Variants in ASB10 observed in about 807,000 individuals in gnomAD.
ASB10 encodes ankyrin repeat and SOCS box protein 10.
A neutral mutation model predicts 35.4 loss-of-function variants in ASB10; 44 were observed. The ratio of observed to expected loss-of-function variants is 1.24; its 90% CI spans 0.98 to 1.60. The LOEUF is 1.60. Ranked by LOEUF, ASB10 falls within the 40% of genes most tolerant of loss-of-function variation. The pLI is 0.00. For synonymous variants in ASB10, 294 were observed against 280.4 expected, an observed-to-expected ratio of 1.05 and a Z score of -0.49; for missense variants, 647 against 634.3, an observed-to-expected ratio of 1.02 and a Z score of -0.22.
At chr7:151,176,810 G>A (rs758445839) in intron 3 of ASB10, 134 bp from the exon 4 acceptor site, 6 of 624,504 alleles carry the variant, frequency 9.6e-6, no homozygotes, top group Non-Finnish European at 1.7e-5. Context: ...ACCTATGAAT[G>A]GGACCTTATT....
chr7:151,176,440 C>T (rs1801389916), intron 4 of ASB10, 123 bp downstream of exon 4: 1 of 1,460,196 alleles, frequency 6.8e-7, no homozygotes, highest in Non-Finnish European at 9.1e-7. Context: ...GTTCACTCTG[C>T]AAGTTCTCTC....
At chr7:151,178,035 G>C (rs1311045265) in intron 3 of ASB10, among the ~76,000 whole-genome samples, 1 of 152,212 alleles carries the variant, frequency 6.6e-6, no homozygotes, top group Non-Finnish European at 1.5e-5. Flanking sequence ...ATCACTTGAG[G>C]TCAGCAGTTT....
chr7:151,176,098 A>G lies in ASB10; in HGVS notation c.*14T>C. ...CCCAAGCAGCTGTGACTGCTCACAG[A>G]TCCCGGGGCTCACCTAGTAGAGCAC... On this transcript the variant is annotated intron_variant, in intron 5 of 5. Transcript: ENST00000420175. The G allele has an allele frequency of 6.2e-7, 1 of 1,609,774 alleles. No individual in the cohort carries two copies. The highest frequency in any genetic ancestry group is 1.1e-5 in the South Asian group (1 of 90,910).
intron 3 of ASB10, among the ~76,000 whole-genome samples, chr7:151,178,295 G>A (rs1801426814): frequency 6.6e-6 from 1 of 152,224 alleles, no homozygotes; most frequent in Non-Finnish European, 1.5e-5. Flanking sequence ...GTTGGGGAGG[G>A]CACTGTCCTA....
chr7:151,186,899 T>G lies in ASB10; in HGVS notation c.232A>C (p.Ser78Arg), dbSNP rs1206139587. Residue 78 changes from serine to arginine, a missense_variant, in exon 1 of 6, where the codon AGT (serine) becomes CGT (arginine). Physicochemically the swap from Ser to Arg is moderately radical, Grantham distance 110. Transcript: ENST00000420175. ...ACGGAATCAGGAGCCAGGCCAGTAC[T>G]GGAGTCCGCGAGGATGCGGGAGACA... ...GCVSRILADS[S>R]TGLAPDSVFD... 4 of 1,613,968 alleles carry G rather than the reference T, an allele frequency of 2.5e-6. No individual in the cohort carries two copies. Among genetic ancestry groups the G allele is most frequent in the Non-Finnish European group, 2.5e-6 (3 of 1,180,012 alleles).
rs104886484 is a variant in ASB10 at position 151,180,965 on chromosome 7, G to A, written c.1078C>T (p.Arg360Cys). The A allele has an allele frequency of 4.4e-4, 690 of 1,565,730 alleles. 6 individuals are homozygous for A. The East Asian group carries it at 9.2e-3, about 21-fold the overall frequency. ...TTGGGGAGGGCCCCTGGCCAGACAC[G>A]GACGGCGCCATGGTTGAGCAGAGCC... ...VRALLNHGAV[R>C]VWPGALPKVL... The change falls in exon 3 of 6, where the codon CGT becomes TGT. Residue 360 changes from arginine to cysteine, a missense_variant. Physicochemically the swap from Arg to Cys is radical, Grantham distance 180. Transcript: ENST00000420175.
intron 3 of ASB10, 60 bp downstream of exon 3, chr7:151,180,879 G>A (rs370006289): frequency 5.2e-5 from 75 of 1,431,542 alleles, no homozygotes; most frequent in Non-Finnish European, 6.5e-5. Flanking sequence ...CCGGAGCACA[G>A]GCCCAGGTCT....
chr7:151,187,598 G>T (rs1181259600), upstream of ASB10: 4 of 1,546,496 alleles, frequency 2.6e-6, no homozygotes, highest in Non-Finnish European at 3.5e-6. This position sits in a 1 kb window ranked among gnomAD's most constrained non-coding sequence, Gnocchi z 5.3. Flanking sequence ...GCAGAGCAGT[G>T]GTGATGGCCG....
rs79026210 is a variant in ASB10, at chr7:151,186,495, T to C, written c.481A>G (p.Thr161Ala). 4 of 1,601,346 alleles carry C rather than the reference T, an allele frequency of 2.5e-6. No individual in the cohort carries two copies. In the East Asian group the frequency reaches 6.8e-5, roughly 27 times the overall value. ...ACCAGCAGCACATGAACACAGGCAGTGTGGCCTGCAGCACAGGCCTCGTGC... is the reference window on the plus strand; with the variant it reads ...ACCAGCAGCACATGAACACAGGCAGCGTGGCCTGCAGCACAGGCCTCGTGC... ...ALHEACAAGH[T>A]ACVHVLLVAG... The change falls in exon 2 of 6, where the codon ACT (threonine) becomes GCT (alanine). Residue 161 changes from threonine (T) to alanine (A), a missense_variant. Coordinates refer to ENST00000420175, the MANE Select transcript of ASB10 (RefSeq NM_001142459.2).
chr7:151,187,460 T>TG, upstream of ASB10: 1 of 1,551,260 alleles, frequency 6.4e-7, no homozygotes, highest in African/African-American at 1.4e-5. The surrounding 1 kb of genome is among the most constrained non-coding windows in gnomAD (Gnocchi z 5.3). Context: ...ACCCCTCTGG[T>TG]GGCTGCTCCA....
chr7:151,184,270 G>A (rs563264490), intron 2 of ASB10, among the ~76,000 whole-genome samples: 1 of 151,978 alleles, frequency 6.6e-6, no homozygotes, highest in Non-Finnish European at 1.5e-5. Context: ...AAAAGTAGCC[G>A]GGTGCGGTGG....
chr7:151,181,094 C>T lies in ASB10; in HGVS notation c.949G>A (p.Gly317Ser). The change falls in exon 3 of 6, where the codon GGT (glycine) becomes AGT (serine). Residue 317 changes from glycine to serine, a missense_variant. Physicochemically the swap from Gly to Ser is moderately conservative, Grantham distance 56. Coordinates refer to ENST00000420175, the MANE Select transcript of ASB10 (RefSeq NM_001142459.2). Reference sequence around the variant, plus strand: ...TAGTCCATGGTGTTGGCGCTGACACCACAGGACAGGAGCAGCTCCACGACA... The same window carrying T: ...TAGTCCATGGTGTTGGCGCTGACACTACAGGACAGGAGCAGCTCCACGACA... The part of the protein sequence containing the change: ...AAVVELLLSC[G>S]VSANTMDYGG... 2.5e-6 allele frequency: 4 copies of T among 1,612,566 alleles called. No homozygotes were observed. The highest frequency in any genetic ancestry group is 3.4e-6 in the Non-Finnish European group (4 of 1,179,850).
Position 151,181,152 on chromosome 7 carries a change from G to T in ASB10, c.891C>A (p.Pro297=). ...ADAADQDKQR[P]LHLACRRGHA... ...GGCCACGGCGGCAGGCCAGGTGCAG[G>T]GGTCGCTGCTTGTCCTGGTCCGCAG... The change falls in exon 3 of 6, where the codon CCC becomes CCA. Residue 297 remains proline (P), a synonymous_variant. Transcript: ENST00000420175. The T allele has an allele frequency of 6.2e-7, 1 of 1,610,188 alleles. No homozygotes were observed.
rs754530729 is a variant in ASB10, at chr7:151,175,811, C to G, written c.*156G>C. On this transcript the variant is annotated 3_prime_UTR_variant, in exon 6 of 6. Coordinates refer to ENST00000420175, the MANE Select transcript of ASB10 (RefSeq NM_001142459.2). ...TCAGACATCACCCGGCTGCCGCTGT[C>G]GGTCCGCTTCTCTGCATTGGGAATT... is the stretch of plus-strand genomic sequence containing the variant. 5 of 409,040 alleles carry G rather than the reference C, an allele frequency of 1.2e-5. No homozygotes were observed. In the South Asian group the frequency reaches 1.7e-4, roughly 14 times the overall value. The allele number at this position is 409,040 out of a possible 1,614,324, so 25.3% of individuals were successfully genotyped here. A position where few individuals can be genotyped will look rare whatever the true frequency, so the allele number is the denominator to read the frequency against.
upstream of ASB10, chr7:151,187,715 C>G (rs1801630466): frequency 1.4e-6 from 2 of 1,468,840 alleles, no homozygotes; most frequent in Non-Finnish European, 1.8e-6. The surrounding 1 kb of genome is among the most constrained non-coding windows in gnomAD (Gnocchi z 5.3). Flanking sequence ...GTTCTTTCCC[C>G]AGGGCATGGC....
chr7:151,186,331 G>A, intron 2 of ASB10, 61 bp downstream of exon 2: 8 of 1,501,214 alleles, frequency 5.3e-6, no homozygotes, highest in Non-Finnish European at 4.5e-6. Context: ...CATCCTCCCT[G>A]AGAAGGCCTC....
At chr7:151,187,540 C>G, upstream of ASB10, 1 of 1,551,548 alleles carries the variant, frequency 6.4e-7, no homozygotes, top group East Asian at 2.4e-5. This position sits in a 1 kb window ranked among gnomAD's most constrained non-coding sequence, Gnocchi z 5.3. Context: ...GCTCCTGCAA[C>G]CTTGCCAGGT....
Position 151,181,057 on chromosome 7 carries a change from G to C in ASB10, c.986C>G (p.Thr329Arg), listed in dbSNP as rs104886481. Residue 329 changes from threonine to arginine, a missense_variant, in exon 3 of 6, where the codon ACG becomes AGG. Thr to Arg is a moderately conservative substitution (Grantham distance 71, BLOSUM62 -1). Transcript: ENST00000420175. Reference protein sequence around the residue: ...SANTMDYGGHTPLHCALQGPA... With the variant: ...SANTMDYGGHRPLHCALQGPA... Reference sequence around the variant, plus strand: ...GCCCTGCAGAGCACAGTGCAGGGGCGTGTGTCCCCCATAGTCCATGGTGTT... The same window carrying C: ...GCCCTGCAGAGCACAGTGCAGGGGCCTGTGTCCCCCATAGTCCATGGTGTT... 8 of 1,612,268 alleles carry C rather than the reference G, an allele frequency of 5.0e-6. No individual in the cohort carries two copies. Among genetic ancestry groups the C allele is most frequent in the Middle Eastern group, 1.6e-4 (1 of 6,066 alleles).
Position 151,186,683 on chromosome 7 carries a change from C to T in ASB10, c.317-24G>A, listed in dbSNP as rs753082211. The T allele has an allele frequency of 3.2e-6, 5 of 1,583,718 alleles. No homozygotes were observed. The Middle Eastern group carries it at 6.7e-4, about 213-fold the overall frequency. On this transcript the variant is annotated intron_variant, in intron 1 of 5. Coordinates refer to ENST00000420175, the MANE Select transcript of ASB10 (RefSeq NM_001142459.2). ...TCCTAGGGAGGGGAGACGTGGGCCT[C>T]AGATCCCCAGGGAAGGCAGAGACCT...
Sources: allele counts gnomAD v4.1 joint callset (sites outside exome capture counted in the v4.1 genomes callset), GRCh38; gene constraint gnomAD v4.1.1; non-coding constraint Gnocchi (gnomAD v3.1); transcripts MANE v1.5; gene names NCBI Gene and HGNC (gene_info 2026-07-23, HGNC 2026-07-21).